Variants in RABGAP1L observed in about 807,000 individuals in gnomAD.
The protein encoded by RABGAP1L is RAB GTPase activating protein 1 like, also known as rab GTPase-activating protein 1-like.
Under a neutral mutation model 137.7 loss-of-function variants are expected in RABGAP1L, and 63 were observed. The ratio of observed to expected loss-of-function variants is 0.46; its 90% confidence interval spans 0.37 to 0.56. The LOEUF is 0.56. RABGAP1L is among the 20% of genes least tolerant of loss of function. The pLI, the probability that RABGAP1L is intolerant of heterozygous loss-of-function variation, is 0.00. For synonymous variants in RABGAP1L, 431 were observed against 433.7 expected, an observed-to-expected ratio of 0.99 and a Z score of 0.08; for missense variants, 1,095 against 1,244.0, an observed-to-expected ratio of 0.88 and a Z score of 1.80.
At chr1:174,948,307 G>A (rs1475873311) in intron 19 of RABGAP1L, among the ~76,000 whole-genome samples, 2 of 151,960 alleles carry the variant, frequency 1.3e-5, no homozygotes, top group African/African-American at 4.8e-5. Flanking sequence ...GATCACTTGA[G>A]CCCAGGGTTT....
chr1:174,305,688 A>C (rs1678154598), intron 11 of RABGAP1L, among the ~76,000 whole-genome samples: 1 of 151,860 alleles, frequency 6.6e-6, no homozygotes, highest in African/African-American at 2.4e-5. Context: ...ACCTGCCCTC[A>C]ATTAATTTTT....
chr1:174,280,048 GGAGA>G (rs59262212), intron 10 of RABGAP1L, among the ~76,000 whole-genome samples: 1,901 of 125,252 alleles, frequency 0.015, 15 homozygotes, highest in East Asian at 0.028. Context: ...CTGTCTGCCT[GGAGA>G]GAGAGAGAGA....
chr1:174,590,123 C>CTTTTTTTTTTTTT (rs1166364912), intron 13 of RABGAP1L, among the ~76,000 whole-genome samples: 16 of 59,802 alleles, frequency 2.7e-4, no homozygotes, highest in South Asian at 7.5e-4. Flanking sequence ...TCTTCAGTTT[C>CTTTTTTTTTTTTT]TTTTTTTTTT....
At chr1:174,976,238 A>G in intron 22 of RABGAP1L, 56 bp downstream of exon 22, 1 of 1,359,498 alleles carries the variant, frequency 7.4e-7, no homozygotes, top group Non-Finnish European at 1.0e-6. Flanking sequence ...TAGGGAATTA[A>G]CACTATAAAA....
chr1:174,730,880 A>C (rs1682407687), intron 17 of RABGAP1L, among the ~76,000 whole-genome samples: 1 of 152,230 alleles, frequency 6.6e-6, no homozygotes, highest in Non-Finnish European at 1.5e-5. Context: ...AAACTTAATG[A>C]GTAGAAAGTT....
chr1:174,393,127 G>A (rs1291971553), intron 12 of RABGAP1L, among the ~76,000 whole-genome samples: 1 of 152,092 alleles, frequency 6.6e-6, no homozygotes, highest in Non-Finnish European at 1.5e-5. Flanking sequence ...TTGTTCTGAC[G>A]CTGCACACCT....
At chr1:174,249,763 C>T (rs1672570466) in intron 5 of RABGAP1L, among the ~76,000 whole-genome samples, 1 of 151,940 alleles carries the variant, frequency 6.6e-6, no homozygotes, top group African/African-American at 2.4e-5. Context: ...CTGCTTCAGC[C>T]TCCCGAGTAG....
intron 13 of RABGAP1L, among the ~76,000 whole-genome samples, chr1:174,500,578 A>G (rs1287268147): frequency 6.6e-6 from 1 of 152,224 alleles, no homozygotes; most frequent in African/African-American, 2.4e-5. Context: ...CTGATTGACA[A>G]TCACAGTAGT....
At chr1:174,962,937 A>C (rs1284774816) in intron 20 of RABGAP1L, among the ~76,000 whole-genome samples, 1 of 152,086 alleles carries the variant, frequency 6.6e-6, no homozygotes, top group Non-Finnish European at 1.5e-5. Context: ...GTCTCTACTA[A>C]AAATACAAAA....
At chr1:174,733,805 A>G (rs1682709350) in intron 17 of RABGAP1L, among the ~76,000 whole-genome samples, 1 of 152,180 alleles carries the variant, frequency 6.6e-6, no homozygotes, top group Non-Finnish European at 1.5e-5. Flanking sequence ...CTGTCACTCT[A>G]GAGAAAAGGA....
Position 174,838,917 on chromosome 1 carries a change from C to CAAAAAAAAAAA in RABGAP1L, c.2340+26984_2340+26994dup, listed in dbSNP as rs58265128. ...TGGGCGACAAAGCGAGACTCCGTCTCAAAAAAAAAAAAAAAAAAAAAAAAA... is the reference window on the plus strand; with the variant it reads ...TGGGCGACAAAGCGAGACTCCGTCTCAAAAAAAAAAAAAAAAAAAAAAAAAAAAAAAAAAAA... On this transcript the variant is annotated intron_variant, in intron 19 of 25. Transcript: ENST00000681986. Among the ~76,000 whole-genome samples, 14 of 22,456 alleles carry CAAAAAAAAAAA rather than the reference C, an allele frequency of 6.2e-4. 4 individuals carry two copies. Among genetic ancestry groups the CAAAAAAAAAAA allele is most frequent in the Admixed American group, 1.9e-3 (2 of 1,068 alleles). 14.7% of individuals were successfully genotyped at this position (22,456 alleles called of 152,430 possible).
intron 11 of RABGAP1L, among the ~76,000 whole-genome samples, chr1:174,308,365 G>T (rs1553270730): frequency 6.6e-6 from 1 of 151,728 alleles, no homozygotes; most frequent in Non-Finnish European, 1.5e-5. Flanking sequence ...CCTTTGTTTT[G>T]CAGATGTTTT....
chr1:174,165,255 T>G (rs1195642641), intron 1 of RABGAP1L, among the ~76,000 whole-genome samples: 1 of 152,170 alleles, frequency 6.6e-6, no homozygotes, highest in Non-Finnish European at 1.5e-5. Context: ...TTCAAGTGAT[T>G]CTCCTGCGTC....
intron 13 of RABGAP1L, among the ~76,000 whole-genome samples, chr1:174,478,098 C>T (rs1421604712): frequency 8.6e-5 from 13 of 151,744 alleles, no homozygotes; most frequent in Admixed American, 8.6e-4. Flanking sequence ...TAATATTTAT[C>T]TAGTATATGC....
intron 13 of RABGAP1L, among the ~76,000 whole-genome samples, chr1:174,635,662 T>A (rs1673953698): frequency 6.6e-6 from 1 of 152,238 alleles, no homozygotes. Flanking sequence ...AATTCAGGTT[T>A]AGCATTTCAT....
intron 4 of RABGAP1L, among the ~76,000 whole-genome samples, chr1:174,234,509 T>C (rs1670979881): frequency 6.8e-6 from 1 of 147,342 alleles, no homozygotes; most frequent in South Asian, 2.1e-4. Flanking sequence ...CCCAGCACCA[T>C]TTATTAAATA....
intron 19 of RABGAP1L, among the ~76,000 whole-genome samples, chr1:174,900,821 G>A (rs577252873): frequency 3.3e-5 from 5 of 152,158 alleles, no homozygotes; most frequent in Non-Finnish European, 7.4e-5. Context: ...TGCCCAGGCT[G>A]AATTTGAATG....
chr1:174,639,153 C>T (rs918668161), intron 14 of RABGAP1L, among the ~76,000 whole-genome samples: 1 of 151,924 alleles, frequency 6.6e-6, no homozygotes, highest in Non-Finnish European at 1.5e-5. Flanking sequence ...GGCCTCTTCA[C>T]ACTCCTGTCT....
chr1:174,569,616 C>T (rs1216222330), intron 13 of RABGAP1L, among the ~76,000 whole-genome samples: 1 of 152,266 alleles, frequency 6.6e-6, no homozygotes, highest in East Asian at 1.9e-4. Context: ...TACTCTTTAC[C>T]TTGGCTACTC....
Sources: gnomAD v4.1 joint callset for allele counts (sites outside exome capture counted in the v4.1 genomes callset) on GRCh38, gnomAD v4.1.1 for gene constraint, MANE v1.5 for transcripts, NCBI Gene and HGNC (gene_info 2026-07-23, HGNC 2026-07-21) for gene names.